VRK3: variants seen among roughly 807,000 people sequenced by gnomAD.
VRK3 encodes VRK serine/threonine kinase 3.
In VRK3, 50 loss-of-function variants were observed where a neutral mutation model predicts 60.4. The observed-to-expected ratio is 0.83, with a 90% CI of 0.66 to 1.05. The LOEUF (loss-of-function observed/expected upper bound fraction) is 1.05. Among genes scored for constraint, VRK3 ranks in the 50% least tolerant of loss-of-function variants. VRK3 has a pLI of 0.00. For missense variants in VRK3, 549 were observed against 585.3 expected (o/e 0.94, Z 0.64); for synonymous variants, 246 against 227.8 (o/e 1.08, Z -0.72).
chr19:49,988,149 A>C, intron 12 of VRK3: 1 of 495,880 alleles, frequency 2.0e-6, no homozygotes, highest in East Asian at 4.8e-5. Flanking sequence ...TTAACACCCC[A>C]CAGTGGTGGT....
At chr19:49,990,937 A>C (rs966415779) in intron 10 of VRK3, among the ~76,000 whole-genome samples, 5 of 151,946 alleles carry the variant, frequency 3.3e-5, no homozygotes, top group Non-Finnish European at 7.4e-5. Flanking sequence ...TGTGTATGCC[A>C]CTACACCTGG....
At chr19:49,992,292 A>T (rs956560956) in intron 10 of VRK3, among the ~76,000 whole-genome samples, 1 of 152,248 alleles carries the variant, frequency 6.6e-6, no homozygotes, top group African/African-American at 2.4e-5. Context: ...CTGTAATCCC[A>T]GCTACTCAGG....
chr19:50,012,749 G>T (rs1449998197), intron 3 of VRK3, among the ~76,000 whole-genome samples: 1 of 152,046 alleles, frequency 6.6e-6, no homozygotes, highest in Non-Finnish European at 1.5e-5. Context: ...GTGGTGCGCG[G>T]CTGTAATACC....
intron 1 of VRK3, among the ~76,000 whole-genome samples, chr19:50,022,219 G>A (rs1568823321): frequency 6.6e-6 from 1 of 152,172 alleles, no homozygotes; most frequent in South Asian, 2.1e-4. Context: ...CTGGGTTCTT[G>A]GGGCAGCAGG....
intron 1 of VRK3, among the ~76,000 whole-genome samples, chr19:50,021,270 C>T (rs567623990): frequency 2.0e-5 from 3 of 152,174 alleles, no homozygotes; most frequent in Admixed American, 6.5e-5. Flanking sequence ...CCTTGTAACC[C>T]CTCCTCCCAG....
rs557083030 is a variant in VRK3, at chr19:49,978,225, C to T, written c.*11+858G>A. ...CCTGACAACCAAGTGTCTCCAGACA[C>T]TGCCAAATGCCCCCAGGGTGGTGCC... On this transcript the variant is annotated intron_variant, in intron 14 of 14. Transcript: ENST00000316763. Among the ~76,000 whole-genome samples the T allele has an allele frequency of 1.6e-4, 25 of 152,316 alleles. No individual in the cohort carries two copies. The East Asian group carries it at 4.8e-3, about 29-fold the overall frequency.
chr19:49,982,663 G>T (rs1600651724), intron 12 of VRK3, among the ~76,000 whole-genome samples: 2 of 152,294 alleles, frequency 1.3e-5, no homozygotes, highest in African/African-American at 2.4e-5. Flanking sequence ...AGAACAGCAA[G>T]AATTGATTTG....
intron 5 of VRK3, among the ~76,000 whole-genome samples, chr19:50,004,421 T>C (rs28416420): frequency 0.052 from 7,971 of 152,238 alleles, 690 homozygotes; most frequent in African/African-American, 0.18. Flanking sequence ...TCTTTCTCCC[T>C]GCCCTCTCCT....
At chr19:49,977,617 G>A (rs1291967875) in intron 14 of VRK3, among the ~76,000 whole-genome samples, 1 of 152,144 alleles carries the variant, frequency 6.6e-6, no homozygotes, top group Non-Finnish European at 1.5e-5. Context: ...GGAGCTGGCT[G>A]CCAGCAGAAG....
At chr19:49,989,021 T>G (rs1258284793) in intron 11 of VRK3, among the ~76,000 whole-genome samples, 1 of 152,162 alleles carries the variant, frequency 6.6e-6, no homozygotes, top group East Asian at 1.9e-4. Flanking sequence ...GACAACGCTT[T>G]GTGTAAGCAC....
chr19:49,988,089 T>G (rs73932267), intron 12 of VRK3: 9,114 of 272,744 alleles, frequency 0.033, 787 homozygotes, highest in African/African-American at 0.18. Flanking sequence ...CATAAGGTAG[T>G]AGCTAGTAGG....
intron 5 of VRK3, among the ~76,000 whole-genome samples, chr19:50,006,475 A>T (rs1265457474): frequency 6.7e-6 from 1 of 150,234 alleles, no homozygotes; most frequent in East Asian, 2.0e-4. Context: ...TCCCGGGTTC[A>T]CGCCATTCTC....
At chr19:50,000,073 G>C (rs957465762) in intron 6 of VRK3, 2 of 152,330 alleles carry the variant, frequency 1.3e-5, no homozygotes, top group African/African-American at 2.4e-5. Flanking sequence ...CTAGGGCGGA[G>C]GGAGGGCAAC....
In VRK3 at chr19:49,988,126, A is replaced by G. The variant is rs2076548045; in HGVS notation, c.1217+246T>C. On this transcript the variant is annotated intron_variant, in intron 12 of 14. Transcript: ENST00000316763. ...GACCATCTCATGGAGCAGGACACTG[A>G]GGCTCGCAGACGTTAACACCCCACA... 1.6e-5 allele frequency: 6 copies of G among 376,834 alleles called. No individual in the cohort carries two copies. In the South Asian group the frequency reaches 1.7e-4, roughly 11 times the overall value. 23.3% of individuals were successfully genotyped at this position (376,834 alleles called of 1,614,324 possible).
intron 10 of VRK3, among the ~76,000 whole-genome samples, chr19:49,991,507 T>C (rs1330313377): frequency 6.8e-6 from 1 of 147,516 alleles, no homozygotes; most frequent in Non-Finnish European, 1.5e-5. Flanking sequence ...CAATTCCTTA[T>C]AATAAATCTC....
intron 4 of VRK3, among the ~76,000 whole-genome samples, chr19:50,008,482 G>A (rs963137202): frequency 5.9e-5 from 9 of 152,294 alleles, no homozygotes; most frequent in African/African-American, 9.6e-5. Flanking sequence ...CAAAGGGGAC[G>A]CCTCACACTG....
rs1210760512 is a variant in VRK3 at position 49,979,178 on chromosome 19, G to A, written c.1341C>T (p.Ala447=). The A allele has an allele frequency of 6.2e-7, 1 of 1,614,078 alleles. No individual in the cohort carries two copies. Among genetic ancestry groups the A allele is most frequent in the Non-Finnish European group, 8.5e-7 (1 of 1,180,008 alleles). ...ALTYEEKPPY[A]MLRNNLEALL... is the part of the protein sequence containing the mutation. ...AAGCTTCTAGGTTGTTCCTCAGCAT[G>A]GCGTAGGGCGGCTTCTCCTCATACG... The change falls in exon 14 of 15, where the codon GCC becomes GCT. Residue 447 remains alanine, a synonymous_variant. Coordinates refer to ENST00000316763, the MANE Select transcript of VRK3 (RefSeq NM_016440.4).
chr19:49,990,083 G>C (rs933653736), intron 10 of VRK3, among the ~76,000 whole-genome samples: 1 of 150,744 alleles, frequency 6.6e-6, no homozygotes, highest in South Asian at 2.1e-4. Flanking sequence ...GGGGGCTCTT[G>C]TTTTCCACAG....
At chr19:50,001,306 C>G (rs1305900273) in intron 5 of VRK3, 1 of 166,288 alleles carries the variant, frequency 6.0e-6, no homozygotes, top group African/African-American at 2.4e-5. Context: ...CTCTGAGGAA[C>G]TTCCTGGTGG....
Sources: allele counts gnomAD v4.1 joint callset (sites outside exome capture counted in the v4.1 genomes callset), GRCh38; gene constraint gnomAD v4.1.1; transcripts MANE v1.5; gene names NCBI Gene and HGNC (gene_info 2026-07-23, HGNC 2026-07-21).